PEPD: variants seen among roughly 807,000 people sequenced by gnomAD.
PEPD encodes the protein peptidase D.
In PEPD, 53 loss-of-function variants were observed where a neutral mutation model predicts 60.7. The observed-to-expected ratio is 0.87, with a 90% CI of 0.70 to 1.10. The LOEUF is 1.10. PEPD is among the 50% of genes least tolerant of loss of function. The pLI, the probability that PEPD is intolerant of heterozygous loss-of-function variation, is 0.00. For missense variants in PEPD, 711 were observed against 711.9 expected, an observed-to-expected ratio of 1.00 and a Z score of 0.01; for synonymous variants, 267 against 284.1, an observed-to-expected ratio of 0.94 and a Z score of 0.60.
intron 11 of PEPD, 51 bp from the exon 12 acceptor site, chr19:33,401,920 C>G: frequency 6.3e-7 from 1 of 1,578,224 alleles, no homozygotes; most frequent in Non-Finnish European, 8.7e-7. Context: ...CCACCGCCCC[C>G]TTACCCTTAC....
At chr19:33,456,693 G>A (rs953667137) in intron 9 of PEPD, among the ~76,000 whole-genome samples, 1 of 152,138 alleles carries the variant, frequency 6.6e-6, no homozygotes, top group African/African-American at 2.4e-5. Flanking sequence ...CTGGTCCCCA[G>A]GGCCCATCAC....
chr19:33,453,069 C>G (rs1321539687), intron 9 of PEPD, among the ~76,000 whole-genome samples: 5 of 152,198 alleles, frequency 3.3e-5, no homozygotes, highest in Non-Finnish European at 5.9e-5. Flanking sequence ...CGCCTATAAT[C>G]CCGGCACTTC....
chr19:33,432,711 C>T (rs1416968645), intron 9 of PEPD, among the ~76,000 whole-genome samples: 4 of 152,254 alleles, frequency 2.6e-5, no homozygotes, highest in African/African-American at 4.8e-5. Context: ...ACATTACGTT[C>T]GCCAAATCCC....
chr19:33,427,458 G>C (rs968309375), intron 9 of PEPD, among the ~76,000 whole-genome samples: 2 of 152,208 alleles, frequency 1.3e-5, no homozygotes, highest in African/African-American at 4.8e-5. Flanking sequence ...GAGGATGGGA[G>C]GGGCGATTTA....
Position 33,386,971 on chromosome 19 carries a change from A to G in PEPD, c.*373T>C, listed in dbSNP as rs1012671756. On this transcript the variant is annotated 3_prime_UTR_variant, in exon 15 of 15. Transcript: ENST00000244137. Reference sequence around the variant, plus strand: ...AAAGGACCATTTTAGGAAACCTTTTATTGCAAATGCCATTCTGCATATTGA... The same window carrying G: ...AAAGGACCATTTTAGGAAACCTTTTGTTGCAAATGCCATTCTGCATATTGA... The G allele has an allele frequency of 3.6e-6, 1 of 274,924 alleles. No homozygotes were observed. Among genetic ancestry groups the G allele is most frequent in the Non-Finnish European group, 7.0e-6 (1 of 142,660 alleles). 17.0% of individuals were successfully genotyped at this position (274,924 alleles called of 1,614,324 possible).
chr19:33,408,344 G>A (rs1440909016), intron 11 of PEPD, among the ~76,000 whole-genome samples: 3 of 152,252 alleles, frequency 2.0e-5, no homozygotes, highest in African/African-American at 7.2e-5. Flanking sequence ...GAGGACACCG[G>A]GCCTGCTGCT....
chr19:33,387,954 G>A lies in PEPD; in HGVS notation c.1280C>T (p.Ala427Val), dbSNP rs745829137. 1.3e-5 allele frequency: 20 copies of A among 1,596,962 alleles called. No individual in the cohort carries two copies. In the East Asian group the frequency reaches 2.0e-4, roughly 16 times the overall value. ...AAGGAAGGAGGCGCGGGCCGGGTCC[G>A]CCAGGGCCTCATCCAGGAGGTGGTC... ...FIDHLLDEAL[A>V]DPARASFLNR... Residue 427 changes from alanine (A) to valine (V), a missense_variant, in exon 14 of 15, where the codon GCG becomes GTG. Ala to Val is a moderately conservative substitution (Grantham distance 64). Transcript: ENST00000244137.
At chr19:33,506,388 ACAC>A (rs1171456134) in intron 3 of PEPD, among the ~76,000 whole-genome samples, 2 of 133,492 alleles carry the variant, frequency 1.5e-5, no homozygotes, top group Non-Finnish European at 3.2e-5. Context: ...AACACCTTAC[ACAC>A]CACTCACACA....
intron 9 of PEPD, among the ~76,000 whole-genome samples, chr19:33,458,401 T>C (rs1165855549): frequency 6.6e-6 from 1 of 150,556 alleles, no homozygotes; most frequent in South Asian, 2.1e-4. Flanking sequence ...ATGTATGGTG[T>C]GTGTGGTGTG....
chr19:33,395,890 G>A (rs753939540), intron 12 of PEPD, among the ~76,000 whole-genome samples: 4 of 152,170 alleles, frequency 2.6e-5, no homozygotes, highest in Admixed American at 6.5e-5. Context: ...GAGCTGGCAC[G>A]GGGCTGAGGA....
At chr19:33,484,305 T>G (rs1371301653) in intron 6 of PEPD, among the ~76,000 whole-genome samples, 1 of 152,172 alleles carries the variant, frequency 6.6e-6, no homozygotes, top group East Asian at 1.9e-4. Context: ...GGAAAAGCAG[T>G]GGCCAATCTA....
intron 9 of PEPD, among the ~76,000 whole-genome samples, chr19:33,430,855 C>T (rs1969256241): frequency 6.6e-6 from 1 of 152,100 alleles, no homozygotes; most frequent in Non-Finnish European, 1.5e-5. Context: ...CACCAGAGGT[C>T]GCAAGTGCAC....
At chr19:33,399,981 G>A (rs1437479473) in intron 12 of PEPD, among the ~76,000 whole-genome samples, 2 of 152,120 alleles carry the variant, frequency 1.3e-5, no homozygotes, top group African/African-American at 2.4e-5. Flanking sequence ...CGGCAGAGCT[G>A]GGGCTGGGCT....
At chr19:33,455,838 G>A (rs893040808) in intron 9 of PEPD, among the ~76,000 whole-genome samples, 3 of 152,080 alleles carry the variant, frequency 2.0e-5, no homozygotes, top group African/African-American at 7.2e-5. Flanking sequence ...GTTTAATGGT[G>A]AAACACTAGA....
chr19:33,447,775 A>G lies in PEPD; in HGVS notation c.671+15220T>C, dbSNP rs186644765. Among the ~76,000 whole-genome samples the G allele has an allele frequency of 1.1e-3, 171 of 152,248 alleles. 2 individuals are homozygous for G. The highest frequency in any genetic ancestry group is 3.9e-3 in the African/African-American group (161 of 41,550). On this transcript the variant is annotated intron_variant, in intron 9 of 14. Coordinates refer to ENST00000244137, the MANE Select transcript of PEPD (RefSeq NM_000285.4). ...GAAGAAGGCAGCTGTGGCCAGGCCC[A>G]TGGCTCCCTCCTGGACAGCTGCCAG...
At chr19:33,431,765 G>A (rs1969278629) in intron 9 of PEPD, among the ~76,000 whole-genome samples, 1 of 152,106 alleles carries the variant, frequency 6.6e-6, no homozygotes, top group African/African-American at 2.4e-5. Flanking sequence ...GGCTGAGGCA[G>A]GTGGATCACC....
At chr19:33,396,674 GA>G (rs1968373112) in intron 12 of PEPD, among the ~76,000 whole-genome samples, 1 of 119,382 alleles carries the variant, frequency 8.4e-6, no homozygotes, top group Non-Finnish European at 1.6e-5. Flanking sequence ...GTGAGCACAG[GA>G]AAGAGTAGAG....
At chr19:33,514,732 G>T (rs1970994610) in intron 1 of PEPD, among the ~76,000 whole-genome samples, 1 of 151,834 alleles carries the variant, frequency 6.6e-6, no homozygotes, top group Admixed American at 6.5e-5. Context: ...GAACTAAATG[G>T]CTGGGGGCAC....
intron 6 of PEPD, among the ~76,000 whole-genome samples, chr19:33,483,314 C>T (rs543900763): frequency 6.6e-6 from 1 of 152,248 alleles, no homozygotes; most frequent in Admixed American, 6.5e-5. Flanking sequence ...GAAAAATCTA[C>T]AAAGCCAAAA....
Sources: allele counts gnomAD v4.1 joint callset (sites outside exome capture counted in the v4.1 genomes callset), GRCh38; gene constraint gnomAD v4.1.1; transcripts MANE v1.5; gene names NCBI Gene and HGNC (gene_info 2026-07-23, HGNC 2026-07-21).